DLGAP1: variants seen among roughly 807,000 people sequenced by gnomAD.
DLGAP1 encodes the protein DLG associated protein 1.
In DLGAP1, 11 loss-of-function variants were observed where a neutral mutation model predicts 90.8. The observed-to-expected ratio is 0.12, with a 90% confidence interval of 0.08 to 0.20. The LOEUF is 0.20. DLGAP1 is among the 10% of genes least tolerant of loss of function. DLGAP1 has a pLI of 1.00. For synonymous variants in DLGAP1, 558 were observed against 540.7 expected (o/e 1.03, Z -0.44); for missense variants, 1,050 against 1,333.8 (o/e 0.79, Z 3.31).
chr18:4,328,514 A>G (rs1346568089), intron 1 of DLGAP1, among the ~76,000 whole-genome samples: 1 of 151,988 alleles, frequency 6.6e-6, no homozygotes, highest in Non-Finnish European at 1.5e-5. Context: ...AGAACATTTG[A>G]AAACAAGTCT....
chr18:4,344,998 A>G (rs760702579), intron 1 of DLGAP1, among the ~76,000 whole-genome samples: 29 of 152,174 alleles, frequency 1.9e-4, no homozygotes, highest in African/African-American at 5.1e-4. Context: ...TGTCTCAGAG[A>G]TACTGACTCA....
intron 2 of DLGAP1, among the ~76,000 whole-genome samples, chr18:4,019,716 ACTT>A (rs938230445): frequency 1.3e-5 from 2 of 152,040 alleles, no homozygotes; most frequent in Admixed American, 6.5e-5. Flanking sequence ...TTAAGTAGAT[ACTT>A]CTTCTGTGTT....
intron 1 of DLGAP1, among the ~76,000 whole-genome samples, chr18:4,386,883 C>T (rs1020527373): frequency 6.6e-6 from 1 of 152,118 alleles, no homozygotes; most frequent in Non-Finnish European, 1.5e-5. Flanking sequence ...GATAGGAGAG[C>T]ATCAGGTTGC....
intron 2 of DLGAP1, among the ~76,000 whole-genome samples, chr18:4,082,030 A>G (rs557115257): frequency 1.4e-4 from 22 of 151,992 alleles, no homozygotes; most frequent in Admixed American, 2.6e-4. Flanking sequence ...CAACATGGTG[A>G]AATACTGTCT....
intron 4 of DLGAP1, among the ~76,000 whole-genome samples, chr18:3,819,782 TATGTCTTTTGAC>T (rs2067304111): frequency 6.6e-6 from 1 of 152,240 alleles, no homozygotes; most frequent in Non-Finnish European, 1.5e-5. Context: ...CATATTCATA[TATGTCTTTTGAC>T]ATGTCTTTTG....
chr18:4,136,756 T>C (rs2076408112), intron 2 of DLGAP1, among the ~76,000 whole-genome samples: 1 of 152,312 alleles, frequency 6.6e-6, no homozygotes, highest in Middle Eastern at 3.4e-3. Flanking sequence ...TGTCCTATTT[T>C]TTCATTTTTG....
intron 7 of DLGAP1, among the ~76,000 whole-genome samples, chr18:3,595,625 T>C (rs2056534505): frequency 6.6e-6 from 1 of 152,222 alleles, no homozygotes; most frequent in Non-Finnish European, 1.5e-5. Flanking sequence ...AGTCATGGCC[T>C]GCACAGAACT....
At chr18:4,235,366 A>G (rs2078386359) in intron 1 of DLGAP1, among the ~76,000 whole-genome samples, 1 of 152,158 alleles carries the variant, frequency 6.6e-6, no homozygotes, top group African/African-American at 2.4e-5. Context: ...CTCAAATGTG[A>G]GGGGTAACTG....
At chr18:4,354,028 GC>G (rs1466811211) in intron 1 of DLGAP1, among the ~76,000 whole-genome samples, 7 of 152,146 alleles carry the variant, frequency 4.6e-5, no homozygotes, top group Non-Finnish European at 8.8e-5. Context: ...GTGTGAACTG[GC>G]TGTTGTTACC....
chr18:3,825,666 G>A (rs908886895), intron 4 of DLGAP1, among the ~76,000 whole-genome samples: 3 of 152,118 alleles, frequency 2.0e-5, no homozygotes, highest in African/African-American at 7.2e-5. Flanking sequence ...CATGAAACAG[G>A]TGCTATTTTA....
At chr18:3,793,450 C>G (rs2148249810) in intron 5 of DLGAP1, among the ~76,000 whole-genome samples, 1 of 152,232 alleles carries the variant, frequency 6.6e-6, no homozygotes, top group East Asian at 1.9e-4. Flanking sequence ...TGTCAGAGTC[C>G]CCGTGTCACT....
chr18:4,231,954 T>C (rs369203126), intron 1 of DLGAP1, among the ~76,000 whole-genome samples: 1 of 152,222 alleles, frequency 6.6e-6, no homozygotes. Flanking sequence ...AAGCCCATTG[T>C]GTATTAATAA....
chr18:4,320,751 CACACACACACACAAT>C (rs975589724), intron 1 of DLGAP1, among the ~76,000 whole-genome samples: 1 of 118,802 alleles, frequency 8.4e-6, no homozygotes, highest in African/African-American at 3.8e-5. Context: ...CACACACACA[CACACACACACACAAT>C]ACCAATGCAA....
At chr18:3,898,184 A>G (rs2071696615) in intron 3 of DLGAP1, among the ~76,000 whole-genome samples, 1 of 152,230 alleles carries the variant, frequency 6.6e-6, no homozygotes, top group South Asian at 2.1e-4. Context: ...AAAATCCAAA[A>G]TGCTCCAATG....
At chr18:3,573,648 CT>C (rs1352625215) in intron 8 of DLGAP1, among the ~76,000 whole-genome samples, 86 of 151,516 alleles carry the variant, frequency 5.7e-4, no homozygotes, top group African/African-American at 2.0e-3. Flanking sequence ...TTTTTCTTCA[CT>C]TTTTTTGCAC....
intron 1 of DLGAP1, among the ~76,000 whole-genome samples, chr18:4,249,818 G>T (rs2078742670): frequency 6.6e-6 from 1 of 152,110 alleles, no homozygotes; most frequent in Non-Finnish European, 1.5e-5. Flanking sequence ...CAAACTCCTG[G>T]GCTTAAGTGA....
In DLGAP1 at chr18:4,369,890, C is replaced by T. The variant is rs2081878254; in HGVS notation, c.-267+85116G>A. Among the ~76,000 whole-genome samples, 3 of 148,168 alleles carry T rather than the reference C, an allele frequency of 2.0e-5. No homozygotes were observed. The South Asian group carries it at 6.5e-4, about 32-fold the overall frequency. On this transcript the variant is annotated intron_variant, in intron 1 of 12. Coordinates refer to ENST00000315677, the MANE Select transcript of DLGAP1 (RefSeq NM_004746.4). ...GTGATGAAAATAAAGCACATCAGGG[C>T]TATGGACACACAAAGGGCCAGGAAG...
At chr18:4,407,924 T>A (rs2082698649) in intron 1 of DLGAP1, among the ~76,000 whole-genome samples, 1 of 151,960 alleles carries the variant, frequency 6.6e-6, no homozygotes, top group South Asian at 2.1e-4. Context: ...TAACAGGCAC[T>A]CAACAGACAT....
At chr18:4,205,739 T>C (rs947984291) in intron 1 of DLGAP1, among the ~76,000 whole-genome samples, 4 of 152,270 alleles carry the variant, frequency 2.6e-5, no homozygotes, top group African/African-American at 9.6e-5. Flanking sequence ...TAGCCACATG[T>C]GACTCATGGC....
Sources: allele counts gnomAD v4.1 joint callset (sites outside exome capture counted in the v4.1 genomes callset), GRCh38; gene constraint gnomAD v4.1.1; transcripts MANE v1.5; gene names NCBI Gene and HGNC (gene_info 2026-07-23, HGNC 2026-07-21).